Variants in DLGAP4 observed in about 807,000 individuals in gnomAD.
The protein encoded by DLGAP4 is disks large-associated protein 4.
Under a neutral mutation model 86.9 loss-of-function variants are expected in DLGAP4, and 18 were observed. The observed-to-expected ratio is 0.21, with a 90% CI of 0.14 to 0.31. The LOEUF (loss-of-function observed/expected upper bound fraction) is 0.31. Ranked by LOEUF, DLGAP4 falls within the 10% of genes least tolerant of loss-of-function variation. DLGAP4 has a pLI of 1.00. For missense variants in DLGAP4, 1,085 were observed against 1,362.6 expected (o/e 0.80, Z 3.21); for synonymous variants, 548 against 574.3 (o/e 0.95, Z 0.65).
intron 7 of DLGAP4, among the ~76,000 whole-genome samples, chr20:36,490,201 G>A (rs1454174583): frequency 6.6e-6 from 1 of 152,074 alleles, no homozygotes; most frequent in Non-Finnish European, 1.5e-5. Flanking sequence ...GTGGCTCTCC[G>A]ACTGAAACAG....
chr20:36,496,755 C>G lies in DLGAP4; in HGVS notation c.1699C>G (p.Arg567Gly). The change falls in exon 8 of 13, where the codon CGC (arginine) becomes GGC (glycine). Residue 567 changes from arginine to glycine, a missense_variant. Arg to Gly is a moderately radical substitution (Grantham distance 125, BLOSUM62 -2). Transcript: ENST00000339266. The stretch of plus-strand genomic sequence containing the variant: ...GAAGACCCCGCCACCGGTCCCTCCA[C>G]GCACCACTTCAAAGCCGTTCATCTC... ...YKKTPPPVPP[R>G]TTSKPFISVT... The G allele has an allele frequency of 6.2e-7, 1 of 1,613,290 alleles. No individual in the cohort carries two copies. The highest frequency in any genetic ancestry group is 1.1e-5 in the South Asian group (1 of 91,086).
intron 1 of DLGAP4, among the ~76,000 whole-genome samples, chr20:36,351,378 G>A (rs2030147626): frequency 1.3e-5 from 2 of 152,110 alleles, no homozygotes; most frequent in South Asian, 2.1e-4. Flanking sequence ...TTAGATCAGC[G>A]GCGGCATTCG....
chr20:36,346,715 A>AT (rs1254616034), intron 1 of DLGAP4, among the ~76,000 whole-genome samples: 120 of 150,730 alleles, frequency 8.0e-4, no homozygotes, highest in Middle Eastern at 3.5e-3. Flanking sequence ...TTTAGGACCC[A>AT]TTTTTTTTTA....
chr20:36,421,547 G>A (rs185790801), intron 2 of DLGAP4, among the ~76,000 whole-genome samples: 130 of 152,214 alleles, frequency 8.5e-4, no homozygotes, highest in African/African-American at 2.7e-3. Flanking sequence ...GTGAGAGATA[G>A]TGGGGACTCG....
At position 36,489,936 on chromosome 20, in the gene DLGAP4, G is replaced by T. The variant is rs1031604786; in HGVS notation, c.1649-6769G>T. On this transcript the variant is annotated intron_variant, in intron 7 of 12. Transcript: ENST00000339266. ...TGCAGTGGCGCAATCCTGGCTCACTGCAACCTTTGCCTCCCGGGTTCAAGC... is the reference window on the plus strand; with the variant it reads ...TGCAGTGGCGCAATCCTGGCTCACTTCAACCTTTGCCTCCCGGGTTCAAGC... Among the ~76,000 whole-genome samples the T allele has an allele frequency of 1.7e-4, 24 of 141,304 alleles. No individual in the cohort carries two copies. In the Admixed American group the frequency reaches 1.8e-3, roughly 11 times the overall value. The allele number at this position is 141,304 out of a possible 152,430, so 92.7% of individuals were successfully genotyped here.
chr20:36,360,679 A>C (rs1257303257), intron 1 of DLGAP4, among the ~76,000 whole-genome samples: 1 of 150,612 alleles, frequency 6.6e-6, no homozygotes, highest in Non-Finnish European at 1.5e-5. Context: ...GGGTGGACAG[A>C]CTGGTGGAAG....
At chr20:36,382,932 T>A (rs1280066388) in intron 2 of DLGAP4, among the ~76,000 whole-genome samples, 1 of 152,200 alleles carries the variant, frequency 6.6e-6, no homozygotes, top group African/African-American at 2.4e-5. Flanking sequence ...TGAGCAGTGA[T>A]CATCATTGCT....
intron 2 of DLGAP4, among the ~76,000 whole-genome samples, chr20:36,377,807 C>T (rs1172150801): frequency 6.6e-6 from 1 of 152,224 alleles, no homozygotes; most frequent in Non-Finnish European, 1.5e-5. Context: ...GGAAAACTCT[C>T]CCCGCGTTCC....
At chr20:36,319,967 C>A (rs1026373512) in intron 1 of DLGAP4, among the ~76,000 whole-genome samples, 2 of 140,646 alleles carry the variant, frequency 1.4e-5, no homozygotes, top group Non-Finnish European at 3.1e-5. Context: ...CCTCCCTCTG[C>A]GTCCCACTCC....
intron 7 of DLGAP4, chr20:36,462,400 T>TAAAAA: frequency 7.2e-7 from 1 of 1,393,260 alleles, no homozygotes; most frequent in South Asian, 1.6e-5. Flanking sequence ...ACTCTGTGCC[T>TAAAAA]CTTGCGCTGA....
intron 10 of DLGAP4, among the ~76,000 whole-genome samples, chr20:36,510,366 C>T (rs1036313890): frequency 1.2e-4 from 18 of 152,092 alleles, no homozygotes; most frequent in African/African-American, 4.3e-4. Flanking sequence ...CGGGTTCAAG[C>T]GATTCTCCTG....
At chr20:36,506,210 A>T (rs1489524715) in intron 10 of DLGAP4, among the ~76,000 whole-genome samples, 1 of 152,132 alleles carries the variant, frequency 6.6e-6, no homozygotes, top group Non-Finnish European at 1.5e-5. Flanking sequence ...GGGTGCACAG[A>T]TTGCTTCATG....
At position 36,527,264 on chromosome 20, in the gene DLGAP4, A is replaced by G. The variant is rs557297372; in HGVS notation, c.*233A>G. 12 of 449,742 alleles carry G rather than the reference A, an allele frequency of 2.7e-5. No individual in the cohort carries two copies. Among genetic ancestry groups the G allele is most frequent in the Non-Finnish European group, 4.7e-5 (12 of 255,730 alleles). The allele number at this position is 449,742 out of a possible 1,614,324, so 27.9% of individuals were successfully genotyped here. On this transcript the variant is annotated 3_prime_UTR_variant, in exon 13 of 13. Transcript: ENST00000339266. ...ATCAACAAAAATCACGAAACTAGAAAACTTTTTTTTTCCTCTTGCTGGCCG... is the reference window on the plus strand; with the variant it reads ...ATCAACAAAAATCACGAAACTAGAAGACTTTTTTTTTCCTCTTGCTGGCCG...
chr20:36,351,510 C>A lies in DLGAP4; in HGVS notation c.-303-15535C>A, dbSNP rs534021521. On this transcript the variant is annotated intron_variant, in intron 1 of 12. Transcript: ENST00000339266. ...TGTTGCCCATCACCCCCAGATGGGA[C>A]CATCTAGTTGCAGGAAAATAAGCTC... Among the ~76,000 whole-genome samples the A allele has an allele frequency of 3.4e-4, 52 of 151,882 alleles. No homozygotes were observed. In the South Asian group the frequency reaches 0.011, roughly 32 times the overall value.
At chr20:36,376,839 G>A (rs2031174536) in intron 2 of DLGAP4, among the ~76,000 whole-genome samples, 1 of 152,196 alleles carries the variant, frequency 6.6e-6, no homozygotes, top group African/African-American at 2.4e-5. Flanking sequence ...CAGAGGTGAT[G>A]ATAGTGCTGC....
At chr20:36,355,819 TA>T (rs1477808126) in intron 1 of DLGAP4, among the ~76,000 whole-genome samples, 3 of 152,224 alleles carry the variant, frequency 2.0e-5, no homozygotes, top group African/African-American at 7.2e-5. Flanking sequence ...ATTTCTCCCA[TA>T]TAACCTCCCT....
intron 10 of DLGAP4, among the ~76,000 whole-genome samples, chr20:36,505,019 G>T (rs1008462782): frequency 6.8e-6 from 1 of 148,066 alleles, no homozygotes; most frequent in Non-Finnish European, 1.5e-5. Context: ...ACGGAGTCTC[G>T]CTCTGTTGCC....
intron 1 of DLGAP4, among the ~76,000 whole-genome samples, chr20:36,328,924 C>T (rs893809825): frequency 2.0e-5 from 3 of 152,150 alleles, no homozygotes; most frequent in African/African-American, 7.2e-5. Flanking sequence ...TACAGGCATG[C>T]GCCACCATAC....
At chr20:36,441,958 G>T (rs1254376368) in intron 5 of DLGAP4, among the ~76,000 whole-genome samples, 1 of 152,112 alleles carries the variant, frequency 6.6e-6, no homozygotes, top group South Asian at 2.1e-4. Flanking sequence ...ACCACCCGCT[G>T]CCCAGTCCCA....
Sources: gnomAD v4.1 joint callset for allele counts (sites outside exome capture counted in the v4.1 genomes callset) on GRCh38, gnomAD v4.1.1 for gene constraint, MANE v1.5 for transcripts, NCBI Gene and HGNC (gene_info 2026-07-23, HGNC 2026-07-21) for gene names.